CRTC3: variants seen among roughly 807,000 people sequenced by gnomAD.
CRTC3 encodes CREB regulated transcription coactivator 3.
CRTC3 carries 26 observed loss-of-function variants against 74.5 expected under a neutral mutation model. That is an observed-to-expected ratio of 0.35 (90% CI 0.26 to 0.48). The LOEUF is 0.48. Among genes scored for constraint, CRTC3 ranks in the 20% least tolerant of loss-of-function variants. CRTC3 has a pLI of 0.99. For missense variants in CRTC3, 760 were observed against 787.3 expected (o/e 0.97, Z 0.41); for synonymous variants, 377 against 325.8 (o/e 1.16, Z -1.69).
At chr15:90,565,675 T>G (rs1201030407) in intron 2 of CRTC3, among the ~76,000 whole-genome samples, 4 of 152,200 alleles carry the variant, frequency 2.6e-5, no homozygotes, top group Admixed American at 6.5e-5. Flanking sequence ...CATTTCAAAC[T>G]TTTTCATTAT....
chr15:90,570,198 A>G (rs1967229491), intron 2 of CRTC3, among the ~76,000 whole-genome samples: 1 of 152,152 alleles, frequency 6.6e-6, no homozygotes, highest in Admixed American at 6.6e-5. Flanking sequence ...ACTTTTTTAA[A>G]AATGTGGCTT....
intron 1 of CRTC3, among the ~76,000 whole-genome samples, chr15:90,532,531 C>G (rs546707229): frequency 1.4e-4 from 22 of 152,348 alleles, no homozygotes; most frequent in African/African-American, 5.3e-4. Context: ...ACTGATCTAT[C>G]TAGATGCTCT....
At chr15:90,572,684 T>C (rs935587922) in intron 2 of CRTC3, among the ~76,000 whole-genome samples, 3 of 152,164 alleles carry the variant, frequency 2.0e-5, no homozygotes, top group Non-Finnish European at 4.4e-5. Flanking sequence ...CAAGCAGTTC[T>C]CCTGCCTCAG....
At chr15:90,573,280 A>G (rs1465818019) in intron 2 of CRTC3, among the ~76,000 whole-genome samples, 1 of 152,216 alleles carries the variant, frequency 6.6e-6, no homozygotes, top group East Asian at 1.9e-4. Context: ...TCATTGTGGG[A>G]TACCTTGGAG....
chr15:90,545,987 C>T (rs1396978003), intron 2 of CRTC3, among the ~76,000 whole-genome samples: 4 of 152,128 alleles, frequency 2.6e-5, no homozygotes, highest in African/African-American at 9.7e-5. Flanking sequence ...AATATTTTCT[C>T]CCAGTCTGTG....
intron 2 of CRTC3, among the ~76,000 whole-genome samples, chr15:90,542,481 CA>C (rs1966819190): frequency 6.6e-6 from 1 of 152,118 alleles, no homozygotes; most frequent in Non-Finnish European, 1.5e-5. Context: ...GCCCTGCTGA[CA>C]TAACTTTTTT....
intron 2 of CRTC3, among the ~76,000 whole-genome samples, chr15:90,563,725 C>T (rs1388076523): frequency 2.6e-5 from 4 of 152,128 alleles, no homozygotes; most frequent in African/African-American, 9.7e-5. Context: ...GTAATAAGCT[C>T]AACATTACTC....
At chr15:90,557,808 G>T (rs184707490) in intron 2 of CRTC3, among the ~76,000 whole-genome samples, 71 of 152,210 alleles carry the variant, frequency 4.7e-4, no homozygotes, top group Non-Finnish European at 8.8e-5. Flanking sequence ...CACCATTGCT[G>T]GCCTTGTGCC....
Position 90,644,046 on chromosome 15 carries a change from C to T in CRTC3, c.*1906C>T, listed in dbSNP as rs1042665316. ...ATAACCCTCATGGGGTGCCCCTCCA[C>T]CTTCCTCTGGAATCCAAGTATTCCT... On this transcript the variant is annotated 3_prime_UTR_variant, in exon 15 of 15. Transcript: ENST00000268184. The T allele has an allele frequency of 1.3e-5, 3 of 231,674 alleles. No homozygotes were observed. Among genetic ancestry groups the T allele is most frequent in the Non-Finnish European group, 8.5e-6 (1 of 117,148 alleles). 14.4% of individuals were successfully genotyped at this position (231,674 alleles called of 1,614,324 possible). A position where few individuals can be genotyped will look rare whatever the true frequency, so the allele number is the denominator to read the frequency against.
At chr15:90,580,855 C>T (rs1286944611) in intron 2 of CRTC3, among the ~76,000 whole-genome samples, 1 of 152,062 alleles carries the variant, frequency 6.6e-6, no homozygotes, top group Non-Finnish European at 1.5e-5. Flanking sequence ...CCAGTTCTTC[C>T]ATTTTTGGTA....
intron 10 of CRTC3, among the ~76,000 whole-genome samples, chr15:90,628,181 C>T (rs1044840836): frequency 6.6e-6 from 1 of 151,572 alleles, no homozygotes; most frequent in African/African-American, 2.4e-5. Context: ...CATGTCACTG[C>T]ACTCCAGCCT....
intron 2 of CRTC3, among the ~76,000 whole-genome samples, chr15:90,563,425 A>T (rs1275397226): frequency 1.3e-5 from 2 of 152,094 alleles, no homozygotes; most frequent in African/African-American, 4.8e-5. Flanking sequence ...ATAAATAAAT[A>T]AAATAAAAAT....
intron 11 of CRTC3, among the ~76,000 whole-genome samples, chr15:90,633,966 G>A (rs566876028): frequency 5.3e-5 from 8 of 151,104 alleles, no homozygotes; most frequent in Non-Finnish European, 1.0e-4. Flanking sequence ...TTCCACAGAT[G>A]CAATATCATC....
rs749351359 is a variant in CRTC3 at position 90,617,972 on chromosome 15, G to A, written c.699+4G>A. The A allele has an allele frequency of 1.9e-6, 3 of 1,576,576 alleles. No homozygotes were observed. In the African/African-American group the frequency reaches 4.0e-5, roughly 21 times the overall value. On this transcript the variant is annotated splice_donor_region_variant and intron_variant, in intron 8 of 14. Coordinates refer to ENST00000268184, the MANE Select transcript of CRTC3 (RefSeq NM_022769.5). ...ACAACTGTGGGAGACCAAGGAGGTG[G>A]GTGAACAGTACTCAGCTATGTTTGT...
At position 90,612,036 on chromosome 15, in the gene CRTC3, C is replaced by T. The variant is rs1596124217; in HGVS notation, c.578-2417C>T. Among the ~76,000 whole-genome samples, 3 of 139,080 alleles carry T rather than the reference C, an allele frequency of 2.2e-5. 1 individual carries two copies. The South Asian group carries it at 7.7e-4, about 36-fold the overall frequency. The allele number at this position is 139,080 out of a possible 152,430, so 91.2% of individuals were successfully genotyped here. A position where few individuals can be genotyped will look rare whatever the true frequency, so the allele number is the denominator to read the frequency against. ...CCCCAACCACCCCCCACTCCTCCTC[C>T]TCCTCCTCCTCCTCCTCCTCCGCCT... On this transcript the variant is annotated intron_variant, in intron 6 of 14. Transcript: ENST00000268184.
intron 2 of CRTC3, among the ~76,000 whole-genome samples, chr15:90,573,604 C>A (rs1321341896): frequency 2.0e-5 from 3 of 151,596 alleles, no homozygotes; most frequent in East Asian, 3.9e-4. Context: ...TGAATAATTT[C>A]TTTTTTACAT....
intron 7 of CRTC3, among the ~76,000 whole-genome samples, chr15:90,615,950 C>T (rs1251554618): frequency 6.6e-6 from 1 of 151,870 alleles, no homozygotes; most frequent in South Asian, 2.1e-4. Context: ...ACCTCCGCCT[C>T]CTGGGTTCAA....
chr15:90,556,805 T>C (rs911028749), intron 2 of CRTC3, among the ~76,000 whole-genome samples: 1 of 152,170 alleles, frequency 6.6e-6, no homozygotes, highest in Middle Eastern at 3.4e-3. Context: ...TACTTTCATA[T>C]TAAAATAGAA....
intron 2 of CRTC3, among the ~76,000 whole-genome samples, chr15:90,562,919 A>G (rs1034480325): frequency 1.3e-5 from 2 of 152,178 alleles, no homozygotes; most frequent in African/African-American, 4.8e-5. Flanking sequence ...CAGGCCACAC[A>G]GGCTGTGACT....
Sources: gnomAD v4.1 joint callset for allele counts (sites outside exome capture counted in the v4.1 genomes callset) on GRCh38, gnomAD v4.1.1 for gene constraint, MANE v1.5 for transcripts, NCBI Gene and HGNC (gene_info 2026-07-23, HGNC 2026-07-21) for gene names.